ASTN2: variants seen among roughly 807,000 people sequenced by gnomAD.
ASTN2 encodes astrotactin 2, also known as astrotactin-2.
ASTN2 carries 54 observed loss-of-function variants against 139.8 expected under a neutral mutation model. That is an observed-to-expected ratio of 0.39 (90% CI 0.31 to 0.48). The LOEUF is 0.48. Among genes scored for constraint, ASTN2 ranks in the 20% least tolerant of loss-of-function variants. ASTN2 has a pLI of 0.95. For synonymous variants in ASTN2, 756 were observed against 719.5 expected (o/e 1.05, Z -0.81); for missense variants, 1,565 against 1,725.1 (o/e 0.91, Z 1.64).
chr9:116,792,757 A>T (rs1180330816), intron 13 of ASTN2, among the ~76,000 whole-genome samples: 2 of 152,172 alleles, frequency 1.3e-5, no homozygotes, highest in Admixed American at 1.3e-4. Context: ...CTCTAGTGCC[A>T]TTGGCCTTGG....
intron 19 of ASTN2, among the ~76,000 whole-genome samples, chr9:116,521,898 C>G (rs572595128): frequency 6.6e-6 from 1 of 151,988 alleles, no homozygotes; most frequent in African/African-American, 2.4e-5. Flanking sequence ...AAATGGCCAA[C>G]GAGCATATAA....
chr9:116,663,942 T>G (rs1858712789), intron 16 of ASTN2, among the ~76,000 whole-genome samples: 1 of 152,158 alleles, frequency 6.6e-6, no homozygotes, highest in African/African-American at 2.4e-5. Context: ...TCCACAATAT[T>G]AGGCTGCCTC....
chr9:117,078,538 C>T (rs1026210475), intron 5 of ASTN2, among the ~76,000 whole-genome samples: 1 of 152,162 alleles, frequency 6.6e-6, no homozygotes, highest in Admixed American at 6.5e-5. Flanking sequence ...AAAGACATTA[C>T]AGAATTGTAG....
intron 3 of ASTN2, among the ~76,000 whole-genome samples, chr9:117,145,995 G>A (rs908146102): frequency 6.6e-5 from 10 of 152,142 alleles, no homozygotes; most frequent in African/African-American, 2.4e-4. Context: ...AATCCCCACT[G>A]TAGCAAATCC....
At chr9:116,762,932 C>A (rs1366142326) in intron 13 of ASTN2, among the ~76,000 whole-genome samples, 1 of 152,218 alleles carries the variant, frequency 6.6e-6, no homozygotes, top group Non-Finnish European at 1.5e-5. Context: ...TTTGTTATTT[C>A]TCTCCGTTTC....
chr9:116,722,219 AT>A (rs1422718810), intron 16 of ASTN2, among the ~76,000 whole-genome samples: 1 of 152,178 alleles, frequency 6.6e-6, no homozygotes, highest in African/African-American at 2.4e-5. Context: ...CAGAGCCTAT[AT>A]CTTCTTTATT....
chr9:117,303,863 C>T lies in ASTN2; in HGVS notation c.443-12350G>A, dbSNP rs569359876. Among the ~76,000 whole-genome samples, 7 of 152,310 alleles carry T rather than the reference C, an allele frequency of 4.6e-5. No homozygotes were observed. The South Asian group carries it at 6.2e-4, about 14-fold the overall frequency. On this transcript the variant is annotated intron_variant, in intron 1 of 22. Transcript: ENST00000313400. Reference sequence around the variant, plus strand: ...CTTTCTCTAGCCAATGGGAAAATGACGAAAGTGACACACTCAGAGATTTGA... The same window carrying T: ...CTTTCTCTAGCCAATGGGAAAATGATGAAAGTGACACACTCAGAGATTTGA...
At chr9:117,286,673 C>A (rs1409723661) in intron 2 of ASTN2, among the ~76,000 whole-genome samples, 2 of 152,192 alleles carry the variant, frequency 1.3e-5, no homozygotes, top group African/African-American at 4.8e-5. Context: ...TGACTTTGCA[C>A]CTGTAGTCAA....
In ASTN2 at chr9:116,811,953, G is replaced by A. The variant is rs113356921; in HGVS notation, c.2208-6133C>T. Among the ~76,000 whole-genome samples, 820 of 152,168 alleles carry A rather than the reference G, an allele frequency of 5.4e-3. 11 individuals carry two copies. Among genetic ancestry groups the A allele is most frequent in the African/African-American group, 0.018 (763 of 41,494 alleles). On this transcript the variant is annotated intron_variant, in intron 12 of 22. Transcript: ENST00000313400. ...GTTTTTCTGCTGCTTCACAGTGTAT[G>A]TTTGAGAACTTCTTATGTTGCATTC...
At chr9:116,445,861 C>T (rs1055156731) in intron 20 of ASTN2, among the ~76,000 whole-genome samples, 1 of 152,162 alleles carries the variant, frequency 6.6e-6, no homozygotes, top group Non-Finnish European at 1.5e-5. Flanking sequence ...ACCAAACATG[C>T]CAGTGGGGGC....
Position 117,362,779 on chromosome 9 carries a change from G to C in ASTN2, c.442+51718C>G, listed in dbSNP as rs897219810. On this transcript the variant is annotated intron_variant, in intron 1 of 22. Transcript: ENST00000313400. ...ACTGGACGCTCCCTCCTTTGGTGTT[G>C]GCTGAGGATTCTAACCATGAAAGTC... Among the ~76,000 whole-genome samples, 4 of 152,246 alleles carry C rather than the reference G, an allele frequency of 2.6e-5. No homozygotes were observed. The East Asian group carries it at 7.7e-4, about 29-fold the overall frequency.
chr9:117,115,866 A>T (rs533624164), intron 4 of ASTN2, among the ~76,000 whole-genome samples: 2 of 151,970 alleles, frequency 1.3e-5, no homozygotes, highest in Non-Finnish European at 2.9e-5. Flanking sequence ...TCTACTAAAA[A>T]TACAAAAAAT....
intron 10 of ASTN2, among the ~76,000 whole-genome samples, chr9:116,889,043 AC>A (rs1833691672): frequency 6.6e-6 from 1 of 152,034 alleles, no homozygotes; most frequent in Non-Finnish European, 1.5e-5. Flanking sequence ...CCTTTAAAAC[AC>A]CCTTAATTTT....
intron 3 of ASTN2, among the ~76,000 whole-genome samples, chr9:117,194,915 A>G (rs1220079818): frequency 6.6e-6 from 1 of 152,108 alleles, no homozygotes; most frequent in Non-Finnish European, 1.5e-5. Context: ...GAACACATAG[A>G]GGTTACCAAT....
At chr9:117,139,431 C>T (rs1335344972) in intron 4 of ASTN2, among the ~76,000 whole-genome samples, 1 of 152,190 alleles carries the variant, frequency 6.6e-6, no homozygotes, top group African/African-American at 2.4e-5. Context: ...TCAGACCTGT[C>T]TGACTTTAAG....
At chr9:117,313,608 A>T (rs1265289095) in intron 1 of ASTN2, among the ~76,000 whole-genome samples, 2 of 152,192 alleles carry the variant, frequency 1.3e-5, no homozygotes, top group Non-Finnish European at 2.9e-5. Context: ...CTTTTCAGGC[A>T]CAAGTTGAGG....
intron 2 of ASTN2, among the ~76,000 whole-genome samples, chr9:117,219,384 G>A (rs1285777902): frequency 6.6e-6 from 1 of 152,132 alleles, no homozygotes; most frequent in Non-Finnish European, 1.5e-5. Flanking sequence ...AAAAAATGCT[G>A]CACGGCAAAA....
intron 7 of ASTN2, among the ~76,000 whole-genome samples, chr9:117,003,943 C>T (rs73655576): frequency 1.4e-3 from 190 of 132,274 alleles, no homozygotes; most frequent in African/African-American, 5.2e-3. Flanking sequence ...TTCTTTCACG[C>T]GCGCGCGCGC....
intron 4 of ASTN2, among the ~76,000 whole-genome samples, chr9:117,121,462 C>T (rs562138982): frequency 1.3e-5 from 2 of 152,282 alleles, no homozygotes; most frequent in East Asian, 3.9e-4. Flanking sequence ...AAGCAGAATG[C>T]TTGGTAGGCC....
Sources: allele counts gnomAD v4.1 joint callset (sites outside exome capture counted in the v4.1 genomes callset), GRCh38; gene constraint gnomAD v4.1.1; transcripts MANE v1.5; gene names NCBI Gene and HGNC (gene_info 2026-07-23, HGNC 2026-07-21).